C1orf94: variants seen among roughly 807,000 people sequenced by gnomAD.
C1orf94 encodes the protein uncharacterized protein C1orf94.
A neutral mutation model predicts 53.6 loss-of-function variants in C1orf94; 45 were observed. The ratio of observed to expected loss-of-function variants is 0.84; its 90% CI spans 0.66 to 1.08. The LOEUF (loss-of-function observed/expected upper bound fraction) is 1.08. Ranked by LOEUF, C1orf94 falls within the 50% of genes least tolerant of loss-of-function variation. C1orf94 has a pLI of 0.00. For synonymous variants in C1orf94, 304 were observed against 296.1 expected (o/e 1.03, Z -0.27); for missense variants, 762 against 738.9 (o/e 1.03, Z -0.36).
intron 1 of C1orf94, among the ~76,000 whole-genome samples, chr1:34,191,102 A>G (rs1283229442): frequency 2.6e-5 from 4 of 152,192 alleles, no homozygotes; most frequent in Non-Finnish European, 5.9e-5. Flanking sequence ...GAAATAGGAA[A>G]CTAAGCCCTA....
chr1:34,167,975 G>A (rs937961991), intron 1 of C1orf94, among the ~76,000 whole-genome samples: 1 of 152,186 alleles, frequency 6.6e-6, no homozygotes, highest in Non-Finnish European at 1.5e-5. Context: ...TACACCTAGT[G>A]CACAGTCCCT....
At position 34,197,432 on chromosome 1, in the gene C1orf94, C is replaced by T. The variant is rs1157527514; in HGVS notation, c.528C>T (p.Ala176=). 5 of 1,613,978 alleles carry T rather than the reference C, an allele frequency of 3.1e-6. No homozygotes were observed. The African/African-American group carries it at 4.0e-5, about 13-fold the overall frequency. ...LVAGSNERPR[A]SIIVGDKLLK... is the part of the protein sequence containing the mutation. Reference sequence around the variant, plus strand: ...CAGGCAGTAATGAGCGCCCCAGAGCCTCCATCATTGTCGGAGACAAGCTTC... The same window carrying T: ...CAGGCAGTAATGAGCGCCCCAGAGCTTCCATCATTGTCGGAGACAAGCTTC... The change falls in exon 2 of 7, where the codon GCC becomes GCT. Residue 176 remains alanine, a synonymous_variant. Coordinates refer to ENST00000488417, the MANE Select transcript of C1orf94 (RefSeq NM_001134734.2). The surrounding 1 kb of genome is among the most constrained non-coding windows in gnomAD (Gnocchi z 4.1).
At chr1:34,187,646 G>A (rs1291212259) in intron 1 of C1orf94, among the ~76,000 whole-genome samples, 3 of 150,516 alleles carry the variant, frequency 2.0e-5, no homozygotes, top group Non-Finnish European at 2.9e-5. Context: ...AGATTCAAAT[G>A]AAAAGTTTTA....
At chr1:34,184,263 C>T (rs948923759) in intron 1 of C1orf94, among the ~76,000 whole-genome samples, 3 of 152,166 alleles carry the variant, frequency 2.0e-5, no homozygotes, top group Non-Finnish European at 4.4e-5. Context: ...AGAGAAAGAA[C>T]AGCCTATGGA....
intron 4 of C1orf94, among the ~76,000 whole-genome samples, chr1:34,207,151 C>T (rs1208046972): frequency 6.6e-6 from 1 of 152,070 alleles, no homozygotes; most frequent in Non-Finnish European, 1.5e-5. Context: ...ATGTCCTGGG[C>T]TGAGGGGTAC....
intron 1 of C1orf94, among the ~76,000 whole-genome samples, chr1:34,194,509 C>T (rs965394005): frequency 2.0e-5 from 3 of 151,528 alleles, no homozygotes; most frequent in African/African-American, 7.3e-5. Flanking sequence ...TGAGTATGTG[C>T]GTGTAATATT....
chr1:34,211,561 G>A (rs1257614716), intron 5 of C1orf94, among the ~76,000 whole-genome samples: 1 of 152,146 alleles, frequency 6.6e-6, no homozygotes, highest in Admixed American at 6.6e-5. Context: ...GCAGCCACCA[G>A]CTATGTGTGG....
At position 34,186,756 on chromosome 1, in the gene C1orf94, C is replaced by G. The variant is rs1642390479; in HGVS notation, c.320+8647C>G. Reference sequence around the variant, plus strand: ...CAGCCCCTTAATCGGGGCTATCAGCCCAGTTCCAGTGTGGGATTCTGATGA... The same window carrying G: ...CAGCCCCTTAATCGGGGCTATCAGCGCAGTTCCAGTGTGGGATTCTGATGA... On this transcript the variant is annotated intron_variant, in intron 1 of 6. Coordinates refer to ENST00000488417, the MANE Select transcript of C1orf94 (RefSeq NM_001134734.2). Among the ~76,000 whole-genome samples the G allele has an allele frequency of 3.3e-5, 5 of 152,168 alleles. No homozygotes were observed. The South Asian group carries it at 1.0e-3, about 31-fold the overall frequency.
intron 1 of C1orf94, among the ~76,000 whole-genome samples, chr1:34,185,791 T>C (rs936208528): frequency 1.3e-5 from 2 of 152,224 alleles, no homozygotes; most frequent in African/African-American, 4.8e-5. Context: ...CAGACATCTC[T>C]CATGGCTCGC....
intron 4 of C1orf94, among the ~76,000 whole-genome samples, chr1:34,203,743 G>T (rs1481934203): frequency 6.6e-6 from 1 of 152,188 alleles, no homozygotes. Flanking sequence ...TCTACTCACA[G>T]AACTTATTTA....
At chr1:34,208,883 G>A (rs372331670) in intron 5 of C1orf94, among the ~76,000 whole-genome samples, 3 of 152,102 alleles carry the variant, frequency 2.0e-5, no homozygotes, top group Non-Finnish European at 4.4e-5. Context: ...ACTGGCCAAC[G>A]CAAACGACAT....
intron 6 of C1orf94, among the ~76,000 whole-genome samples, chr1:34,216,798 G>T (rs2148624838): frequency 6.6e-6 from 1 of 152,256 alleles, no homozygotes. Flanking sequence ...ATTATATCAG[G>T]CCAGACACGG....
chr1:34,201,820 A>G (rs1185904233), intron 3 of C1orf94, among the ~76,000 whole-genome samples: 1 of 152,186 alleles, frequency 6.6e-6, no homozygotes, highest in African/African-American at 2.4e-5. Context: ...CCCTTGCTAA[A>G]TTGCCTTCTT....
At chr1:34,181,764 G>A (rs923955861) in intron 1 of C1orf94, among the ~76,000 whole-genome samples, 1 of 152,238 alleles carries the variant, frequency 6.6e-6, no homozygotes, top group African/African-American at 2.4e-5. Flanking sequence ...ATAGAGCAGA[G>A]GGAAGTGATA....
In C1orf94 at chr1:34,170,210, C is replaced by T. The variant is rs368238739; in HGVS notation, c.-251+3039C>T. 3.9e-5 allele frequency among the ~76,000 whole-genome samples: 6 copies of T among 152,232 alleles called. No homozygotes were observed. The East Asian group carries it at 5.8e-4, about 15-fold the overall frequency. ...CTCTTTCATTCATTTGTTCATGCCACACTGAGCTGCATGTCAGAGTCTGTG... is the reference window on the plus strand; with the variant it reads ...CTCTTTCATTCATTTGTTCATGCCATACTGAGCTGCATGTCAGAGTCTGTG... On this transcript the variant is annotated intron_variant, in intron 1 of 6. Transcript: ENST00000373374.
intron 1 of C1orf94, among the ~76,000 whole-genome samples, chr1:34,170,963 C>T (rs75844294): frequency 1.3e-5 from 2 of 152,176 alleles, no homozygotes; most frequent in African/African-American, 4.8e-5. Flanking sequence ...TTACTTACAA[C>T]AACTGAGTAA....
intron 1 of C1orf94, among the ~76,000 whole-genome samples, chr1:34,194,745 CTT>C (rs1642552923): frequency 6.6e-6 from 1 of 152,148 alleles, no homozygotes; most frequent in Non-Finnish European, 1.5e-5. Flanking sequence ...GATAAGGACT[CTT>C]TGTTGTTGTT....
At chr1:34,196,780 G>A (rs1642593245) in intron 1 of C1orf94, among the ~76,000 whole-genome samples, 1 of 152,132 alleles carries the variant, frequency 6.6e-6, no homozygotes, top group African/African-American at 2.4e-5. Context: ...TCTCCTGGGG[G>A]CTTCCCAGGG....
At chr1:34,214,336 G>A (rs992856886) in intron 6 of C1orf94, among the ~76,000 whole-genome samples, 1 of 152,176 alleles carries the variant, frequency 6.6e-6, no homozygotes, top group Admixed American at 6.5e-5. Flanking sequence ...GAAAAGGGAG[G>A]TTGAGACTAG....
Sources: gnomAD v4.1 joint callset for allele counts (sites outside exome capture counted in the v4.1 genomes callset) on GRCh38, gnomAD v4.1.1 for gene constraint, Gnocchi (gnomAD v3.1) non-coding constraint, MANE v1.5 for transcripts, NCBI Gene and HGNC (gene_info 2026-07-23, HGNC 2026-07-21) for gene names.